AFF1: variants seen among roughly 807,000 people sequenced by gnomAD.
The protein encoded by AFF1 is AF4/FMR2 family member 1.
AFF1 carries 48 observed loss-of-function variants against 121.7 expected under a neutral mutation model. That is an observed-to-expected ratio of 0.39 (90% confidence interval 0.31 to 0.50). AFF1 has a LOEUF of 0.50. Ranked by LOEUF, AFF1 falls within the 20% of genes least tolerant of loss-of-function variation. The pLI is 0.76. For synonymous variants in AFF1, 613 were observed against 563.0 expected, an observed-to-expected ratio of 1.09 and a Z score of -1.26; for missense variants, 1,523 against 1,511.7, an observed-to-expected ratio of 1.01 and a Z score of -0.12.
chr4:87,085,748 T>TA (rs1190435586), intron 5 of AFF1, among the ~76,000 whole-genome samples: 1 of 145,402 alleles, frequency 6.9e-6, no homozygotes, highest in Non-Finnish European at 1.5e-5. Flanking sequence ...TAGAGAAACA[T>TA]ACCTTTTTTT....
chr4:87,069,347 AGATT>A (rs1721729703), intron 4 of AFF1, among the ~76,000 whole-genome samples: 1 of 111,212 alleles, frequency 9.0e-6, no homozygotes, highest in Non-Finnish European at 1.7e-5. Context: ...TTGTTAGTTT[AGATT>A]ATGGATTCAT....
chr4:87,117,928 A>T (rs990067956), intron 12 of AFF1, among the ~76,000 whole-genome samples: 3 of 152,214 alleles, frequency 2.0e-5, no homozygotes, highest in Non-Finnish European at 4.4e-5. Flanking sequence ...TTGCTCCAGC[A>T]GGCAGCAGTG....
chr4:87,058,599 C>T (rs1397785619), intron 4 of AFF1, among the ~76,000 whole-genome samples: 1 of 152,166 alleles, frequency 6.6e-6, no homozygotes, highest in Non-Finnish European at 1.5e-5. Flanking sequence ...CTCCCCCACT[C>T]TCAACCTTTG....
intron 2 of AFF1, among the ~76,000 whole-genome samples, chr4:87,032,110 G>T (rs1032675118): frequency 2.6e-5 from 4 of 152,188 alleles, no homozygotes; most frequent in Non-Finnish European, 5.9e-5. Context: ...GAGGTCAAAT[G>T]AAGGGAGACT....
At chr4:86,975,739 A>G (rs1723255105) in intron 2 of AFF1, among the ~76,000 whole-genome samples, 1 of 152,236 alleles carries the variant, frequency 6.6e-6, no homozygotes, top group Admixed American at 6.5e-5. Context: ...TTGAAAATAC[A>G]GTGACAAATA....
chr4:87,001,592 T>C (rs547956017), intron 2 of AFF1, among the ~76,000 whole-genome samples: 2 of 152,180 alleles, frequency 1.3e-5, no homozygotes, highest in African/African-American at 4.8e-5. Flanking sequence ...AAGAGGACAT[T>C]TGTATATTAA....
At chr4:86,971,085 G>T (rs1281581710) in intron 2 of AFF1, among the ~76,000 whole-genome samples, 1 of 152,186 alleles carries the variant, frequency 6.6e-6, no homozygotes, top group Non-Finnish European at 1.5e-5. Context: ...TTACACTGCG[G>T]TGAGCATGGG....
At chr4:87,008,010 G>A (rs1049390818) in intron 2 of AFF1, among the ~76,000 whole-genome samples, 9 of 152,204 alleles carry the variant, frequency 5.9e-5, no homozygotes, top group African/African-American at 2.2e-4. Flanking sequence ...GTTGCTGTCA[G>A]AGGAGCGCTA....
intron 1 of AFF1, among the ~76,000 whole-genome samples, chr4:86,937,742 C>T (rs565418650): frequency 4.4e-5 from 6 of 135,804 alleles, no homozygotes; most frequent in Admixed American, 1.7e-4. Context: ...CCACCATGCC[C>T]GGCTAATTTA....
intron 2 of AFF1, among the ~76,000 whole-genome samples, chr4:86,972,131 CAAAAAAAAAAA>C (rs59683267): frequency 1.9e-4 from 11 of 57,948 alleles, no homozygotes; most frequent in East Asian, 6.7e-4. Flanking sequence ...GAGCTTGTCT[CAAAAAAAAAAA>C]AAAAAAAAAA....
At chr4:86,969,204 C>T (rs892197425) in intron 2 of AFF1, among the ~76,000 whole-genome samples, 2 of 152,010 alleles carry the variant, frequency 1.3e-5, no homozygotes, top group Non-Finnish European at 2.9e-5. Flanking sequence ...TGAGTCCAGG[C>T]GTGGTGGCTC....
intron 5 of AFF1, among the ~76,000 whole-genome samples, chr4:87,089,070 G>A (rs991363090): frequency 4.6e-5 from 7 of 152,108 alleles, no homozygotes; most frequent in Admixed American, 2.6e-4. Flanking sequence ...CCAGTTTGCC[G>A]GGCAGGTCTG....
intron 2 of AFF1, among the ~76,000 whole-genome samples, chr4:87,001,427 A>G (rs1430307431): frequency 6.6e-6 from 1 of 151,946 alleles, no homozygotes; most frequent in Non-Finnish European, 1.5e-5. Context: ...CGTGTTAGCC[A>G]GGATGGTCTG....
chr4:87,061,743 T>G (rs1720810672), intron 4 of AFF1, among the ~76,000 whole-genome samples: 1 of 152,186 alleles, frequency 6.6e-6, no homozygotes, highest in African/African-American at 2.4e-5. Flanking sequence ...AAGCATTTCT[T>G]TATCTGTATG....
At chr4:86,988,266 A>G (rs974782217) in intron 2 of AFF1, among the ~76,000 whole-genome samples, 23 of 152,176 alleles carry the variant, frequency 1.5e-4, no homozygotes, top group African/African-American at 5.1e-4. Context: ...ATCAAACACT[A>G]GAACCTGTTC....
intron 2 of AFF1, among the ~76,000 whole-genome samples, chr4:87,001,256 C>T (rs1024740124): frequency 1.7e-5 from 2 of 114,364 alleles, no homozygotes; most frequent in African/African-American, 6.5e-5. Context: ...CTCGCTCTGT[C>T]ACCAGGCTGG....
chr4:87,111,483 A>G (rs1726526166), intron 11 of AFF1, among the ~76,000 whole-genome samples: 1 of 151,700 alleles, frequency 6.6e-6, no homozygotes, highest in Non-Finnish European at 1.5e-5. Context: ...CCTCCTGAGT[A>G]GCTGGGACTA....
intron 2 of AFF1, among the ~76,000 whole-genome samples, chr4:87,022,853 A>G (rs573124130): frequency 2.1e-4 from 32 of 151,490 alleles, no homozygotes; most frequent in East Asian, 3.9e-4. Context: ...CATTGCCTCA[A>G]TAAGTAACGT....
At chr4:87,010,864 G>A (rs995706265) in intron 2 of AFF1, among the ~76,000 whole-genome samples, 3 of 152,068 alleles carry the variant, frequency 2.0e-5, no homozygotes, top group Non-Finnish European at 2.9e-5. Flanking sequence ...CGAGGCAGGC[G>A]GATCACGAGG....
Sources: allele counts gnomAD v4.1 joint callset (sites outside exome capture counted in the v4.1 genomes callset), GRCh38; gene constraint gnomAD v4.1.1; transcripts MANE v1.5; gene names NCBI Gene and HGNC (gene_info 2026-07-23, HGNC 2026-07-21).